The following CALCR variants were observed in gnomAD, a reference collection of about 807,000 sequenced individuals.
The protein encoded by CALCR is calcitonin receptor.
A neutral mutation model predicts 59.5 loss-of-function variants in CALCR; 47 were observed. The ratio of observed to expected loss-of-function variants is 0.79; its 90% CI spans 0.63 to 1.01. CALCR has a LOEUF of 1.01. Ranked by LOEUF, CALCR falls within the 50% of genes least tolerant of loss-of-function variation. The pLI is 0.00. For missense variants in CALCR, 566 were observed against 597.1 expected, an observed-to-expected ratio of 0.95 and a Z score of 0.54; for synonymous variants, 213 against 211.3, an observed-to-expected ratio of 1.01 and a Z score of -0.07.
chr7:93,566,397 G>A (rs1364852298), intron 2 of CALCR, among the ~76,000 whole-genome samples: 1 of 152,172 alleles, frequency 6.6e-6, no homozygotes, highest in African/African-American at 2.4e-5. Flanking sequence ...GCCTGATTGA[G>A]TTGGAGAGCT....
chr7:93,428,397 C>A (rs1584528761), intron 13 of CALCR, among the ~76,000 whole-genome samples: 1 of 152,146 alleles, frequency 6.6e-6, no homozygotes, highest in South Asian at 2.1e-4. Context: ...GTACTATTAC[C>A]GTAGCTTTAA....
At chr7:93,481,130 G>A (rs1377359878) in intron 3 of CALCR, among the ~76,000 whole-genome samples, 1 of 151,862 alleles carries the variant, frequency 6.6e-6, no homozygotes, top group African/African-American at 2.4e-5. Context: ...TTGTGAGGAT[G>A]AACAAGACAA....
At chr7:93,556,883 T>G (rs1467584478) in intron 2 of CALCR, among the ~76,000 whole-genome samples, 1 of 152,032 alleles carries the variant, frequency 6.6e-6, no homozygotes, top group African/African-American at 2.4e-5. Context: ...TAAAGATATG[T>G]ACAGAAAGAC....
intron 8 of CALCR, among the ~76,000 whole-genome samples, chr7:93,457,840 T>C (rs41496647): frequency 0.038 from 5,832 of 152,206 alleles, 140 homozygotes; most frequent in South Asian, 0.11. Context: ...AGAACACATC[T>C]TTCTAGGACA....
intron 2 of CALCR, among the ~76,000 whole-genome samples, chr7:93,494,319 G>T (rs1357525646): frequency 6.6e-6 from 1 of 151,358 alleles, no homozygotes; most frequent in Non-Finnish European, 1.5e-5. Context: ...TGGGAGACTT[G>T]TCACTTTAAG....
intron 2 of CALCR, among the ~76,000 whole-genome samples, chr7:93,503,151 A>T (rs1040655513): frequency 3.9e-5 from 6 of 152,088 alleles, no homozygotes; most frequent in Non-Finnish European, 7.3e-5. Flanking sequence ...ACTATGGGGC[A>T]GCTGAAGCAC....
At chr7:93,432,284 A>G (rs1477554013) in intron 13 of CALCR, among the ~76,000 whole-genome samples, 1 of 152,180 alleles carries the variant, frequency 6.6e-6, no homozygotes, top group Non-Finnish European at 1.5e-5. Context: ...GATTTCTGCT[A>G]AAACTCAGTA....
chr7:93,562,422 AC>A (rs2116270074), intron 2 of CALCR, among the ~76,000 whole-genome samples: 1 of 126,278 alleles, frequency 7.9e-6, no homozygotes, highest in East Asian at 2.0e-4. Context: ...AACAACAACA[AC>A]AACAACAACA....
chr7:93,557,021 T>G (rs1789625117), intron 2 of CALCR, among the ~76,000 whole-genome samples: 1 of 152,102 alleles, frequency 6.6e-6, no homozygotes, highest in Admixed American at 6.6e-5. Flanking sequence ...TGTCTTATCA[T>G]AACTACCTTG....
intron 2 of CALCR, among the ~76,000 whole-genome samples, chr7:93,498,840 G>A (rs1177915077): frequency 1.3e-5 from 2 of 151,634 alleles, no homozygotes; most frequent in Admixed American, 6.6e-5. Flanking sequence ...TTGAGAAACT[G>A]ATTGTAATTA....
chr7:93,470,455 C>T (rs10227230), intron 6 of CALCR, among the ~76,000 whole-genome samples: 2,579 of 151,790 alleles, frequency 0.017, 69 homozygotes, highest in African/African-American at 0.059. Context: ...CCTCTTCTGT[C>T]GGTCTTTTAA....
chr7:93,471,382 G>A (rs1381172052), intron 6 of CALCR, among the ~76,000 whole-genome samples: 1 of 151,794 alleles, frequency 6.6e-6, no homozygotes, highest in African/African-American at 2.4e-5. Flanking sequence ...ATAACTGGCT[G>A]TGGTGCCCTT....
At chr7:93,526,472 A>G (rs1463348890) in intron 2 of CALCR, among the ~76,000 whole-genome samples, 1 of 151,490 alleles carries the variant, frequency 6.6e-6, no homozygotes, top group Non-Finnish European at 1.5e-5. Context: ...GAGAATAACC[A>G]ATACTGATTC....
At chr7:93,555,316 A>T (rs540966651) in intron 2 of CALCR, among the ~76,000 whole-genome samples, 7 of 151,948 alleles carry the variant, frequency 4.6e-5, no homozygotes, top group African/African-American at 1.5e-4. Flanking sequence ...GCTTGAAAAC[A>T]GTGTGGATAC....
intron 2 of CALCR, among the ~76,000 whole-genome samples, chr7:93,541,738 T>C (rs1489948552): frequency 2.0e-5 from 3 of 152,214 alleles, no homozygotes; most frequent in African/African-American, 7.2e-5. Context: ...CATTTGTCCA[T>C]GTGCAAATTT....
chr7:93,440,545 C>CTGTGTGTG (rs71528068), intron 9 of CALCR, among the ~76,000 whole-genome samples: 171 of 150,360 alleles, frequency 1.1e-3, no homozygotes, highest in East Asian at 9.2e-3. Flanking sequence ...GTGTGTGTGT[C>CTGTGTGTG]TGTGTGTGTG....
rs141981971 is a variant in CALCR at position 93,521,317 on chromosome 7, G to A, written c.-26-34310C>T. Among the ~76,000 whole-genome samples, 72 of 152,208 alleles carry A rather than the reference G, an allele frequency of 4.7e-4. 1 individual carries two copies. Among genetic ancestry groups the A allele is most frequent in the African/African-American group, 1.7e-3 (71 of 41,530 alleles). On this transcript the variant is annotated intron_variant, in intron 2 of 13. Transcript: ENST00000426151. Reference sequence around the variant, plus strand: ...AGGCACTTGGTAGGAAGATATGTCTGGTATAGCAGCAGTTGGCCACCTCTT... The same window carrying A: ...AGGCACTTGGTAGGAAGATATGTCTAGTATAGCAGCAGTTGGCCACCTCTT...
intron 2 of CALCR, among the ~76,000 whole-genome samples, chr7:93,526,775 A>C (rs1241067572): frequency 2.0e-5 from 3 of 152,094 alleles, no homozygotes; most frequent in Admixed American, 2.0e-4. Flanking sequence ...TAACTACAAA[A>C]ATTTTAGAAG....
intron 2 of CALCR, among the ~76,000 whole-genome samples, chr7:93,540,900 C>T (rs994953399): frequency 4.0e-5 from 6 of 151,326 alleles, no homozygotes; most frequent in Non-Finnish European, 5.9e-5. Flanking sequence ...CTCTCTTTGC[C>T]CACTCATAAT....
Sources: allele counts gnomAD v4.1 joint callset (sites outside exome capture counted in the v4.1 genomes callset), GRCh38; gene constraint gnomAD v4.1.1; transcripts MANE v1.5; gene names NCBI Gene and HGNC (gene_info 2026-07-23, HGNC 2026-07-21).